Variants in SKI observed in about 807,000 individuals in gnomAD.
SKI encodes ski oncogene.
SKI carries 23 observed loss-of-function variants against 59.3 expected under a neutral mutation model. That is an observed-to-expected ratio of 0.39 (90% CI 0.28 to 0.55). SKI has a LOEUF of 0.55. Ranked by LOEUF, SKI falls within the 20% of genes least tolerant of loss-of-function variation. The pLI is 0.67. For synonymous variants in SKI, 673 were observed against 488.6 expected, an observed-to-expected ratio of 1.38 and a Z score of -4.98; for missense variants, 1,017 against 1,038.9, an observed-to-expected ratio of 0.98 and a Z score of 0.29.
chr1:2,257,131 C>A lies in SKI; in HGVS notation c.969+27396C>A, dbSNP rs189589450. Among the ~76,000 whole-genome samples the A allele has an allele frequency of 6.8e-3, 1,022 of 149,744 alleles. 11 individuals are homozygous for A. The highest frequency in any genetic ancestry group is 0.024 in the African/African-American group (986 of 41,372). On this transcript the variant is annotated intron_variant, in intron 1 of 6. Coordinates refer to ENST00000378536, the MANE Select transcript of SKI (RefSeq NM_003036.4). ...ATTTTCGTTTCTAAGATATCTATCT[C>A]TTTGTAAAAGCTCCCACCTTTTGTG...
chr1:2,287,400 G>C (rs1200833235), intron 1 of SKI, among the ~76,000 whole-genome samples: 1 of 150,060 alleles, frequency 6.7e-6, no homozygotes, highest in Non-Finnish European at 1.5e-5. Context: ...GCAGTGGCGC[G>C]ATCTCGGCTC....
intron 1 of SKI, among the ~76,000 whole-genome samples, chr1:2,283,458 C>T (rs1462606195): frequency 6.6e-6 from 1 of 152,214 alleles, no homozygotes; most frequent in Non-Finnish European, 1.5e-5. Context: ...TGTTGGCTTT[C>T]TAGGGAGGGC....
At chr1:2,248,460 A>C (rs1345988932) in intron 1 of SKI, among the ~76,000 whole-genome samples, 1 of 152,164 alleles carries the variant, frequency 6.6e-6, no homozygotes, top group Non-Finnish European at 1.5e-5. Flanking sequence ...GAGGGTCCTC[A>C]CTTTTTGTTT....
chr1:2,232,744 A>C (rs1314715251), intron 1 of SKI: 1 of 152,342 alleles, frequency 6.6e-6, no homozygotes, highest in Admixed American at 6.5e-5. Flanking sequence ...ACTCGGTCCC[A>C]CACTGGCTTT....
chr1:2,283,388 G>T (rs908825515), intron 1 of SKI, among the ~76,000 whole-genome samples: 1 of 152,208 alleles, frequency 6.6e-6, no homozygotes, highest in African/African-American at 2.4e-5. Flanking sequence ...GTATGTCTCT[G>T]TGAAAATGGG....
At chr1:2,254,416 C>G (rs1179289883) in intron 1 of SKI, among the ~76,000 whole-genome samples, 1 of 152,220 alleles carries the variant, frequency 6.6e-6, no homozygotes, top group Non-Finnish European at 1.5e-5. Flanking sequence ...CCAAACAGCC[C>G]TGAAATGGCA....
intron 1 of SKI, among the ~76,000 whole-genome samples, chr1:2,242,197 T>C (rs1638895328): frequency 6.6e-6 from 1 of 152,224 alleles, no homozygotes; most frequent in Admixed American, 6.5e-5. Flanking sequence ...GGTGAACCTC[T>C]GTAAATGTAT....
intron 1 of SKI, among the ~76,000 whole-genome samples, chr1:2,276,825 C>G (rs1343263191): frequency 6.6e-6 from 1 of 152,172 alleles, no homozygotes. Context: ...GTGCTCATAG[C>G]TCCGTTCCTG....
intron 1 of SKI, among the ~76,000 whole-genome samples, chr1:2,284,538 G>T (rs976530560): frequency 2.6e-5 from 4 of 152,228 alleles, no homozygotes; most frequent in African/African-American, 4.8e-5. Context: ...GAGGTGCCTG[G>T]GGGGGCAGGG....
chr1:2,287,039 C>T (rs1054952366), intron 1 of SKI, among the ~76,000 whole-genome samples: 4 of 152,312 alleles, frequency 2.6e-5, no homozygotes, highest in Middle Eastern at 3.4e-3. Flanking sequence ...GAGTGGAGGG[C>T]GTTTTCTTCC....
intron 1 of SKI, among the ~76,000 whole-genome samples, chr1:2,256,586 A>T (rs1285357357): frequency 6.6e-6 from 1 of 152,150 alleles, no homozygotes; most frequent in Non-Finnish European, 1.5e-5. Context: ...GCCACAGCAC[A>T]CTGTGCAGTT....
chr1:2,263,208 T>G (rs1328439515), intron 1 of SKI, among the ~76,000 whole-genome samples: 1 of 149,674 alleles, frequency 6.7e-6, no homozygotes, highest in Non-Finnish European at 1.5e-5. Flanking sequence ...GCCTCTTGAG[T>G]TTTATTTGCT....
At chr1:2,292,900 C>T (rs1317160583) in intron 1 of SKI, among the ~76,000 whole-genome samples, 9 of 152,146 alleles carry the variant, frequency 5.9e-5, no homozygotes, top group African/African-American at 1.4e-4. Context: ...AGCCAAAGGC[C>T]GTGTCTCAGT....
rs1569772134 is a variant in SKI at position 2,269,732 on chromosome 1, T to C, written c.970-33246T>C. Among the ~76,000 whole-genome samples the C allele has an allele frequency of 6.6e-6, 1 of 152,074 alleles. No homozygotes were observed. The highest frequency in any genetic ancestry group is 1.5e-5 in the Non-Finnish European group (1 of 68,038). The stretch of plus-strand genomic sequence containing the variant: ...CGTGGCTGTGCACCGGGCCCAGGGC[T>C]GGCAGGAGGCTGCTTCAGGGCTCTG... On this transcript the variant is annotated intron_variant, in intron 1 of 6. Coordinates refer to ENST00000378536, the MANE Select transcript of SKI (RefSeq NM_003036.4). This position sits in a 1 kb window ranked among gnomAD's most constrained non-coding sequence, Gnocchi z 4.7.
At chr1:2,233,429 C>G (rs958117853) in intron 1 of SKI, among the ~76,000 whole-genome samples, 5 of 152,158 alleles carry the variant, frequency 3.3e-5, no homozygotes, top group African/African-American at 1.2e-4. Context: ...GGTTGTGTTA[C>G]AGTGTTGTTG....
At chr1:2,279,433 T>C (rs1194582327) in intron 1 of SKI, among the ~76,000 whole-genome samples, 1 of 152,208 alleles carries the variant, frequency 6.6e-6, no homozygotes, top group African/African-American at 2.4e-5. Flanking sequence ...GGGCCTGGCT[T>C]CCCTCCCGGC....
chr1:2,242,560 T>C (rs1322594589), intron 1 of SKI, among the ~76,000 whole-genome samples: 4 of 152,200 alleles, frequency 2.6e-5, no homozygotes, highest in African/African-American at 9.7e-5. Flanking sequence ...CGCTCTGTCA[T>C]CTGTGTTGGA....
intron 1 of SKI, among the ~76,000 whole-genome samples, chr1:2,277,736 C>T (rs748382519): frequency 3.3e-5 from 5 of 150,186 alleles, no homozygotes; most frequent in Non-Finnish European, 5.9e-5. Flanking sequence ...GGTGCACACA[C>T]CTGCACTCAC....
At chr1:2,276,628 G>A (rs568054497) in intron 1 of SKI, among the ~76,000 whole-genome samples, 5 of 152,240 alleles carry the variant, frequency 3.3e-5, no homozygotes, top group African/African-American at 9.6e-5. Context: ...ACAGAAAATG[G>A]CAGGGCTCAC....
Sources: allele counts gnomAD v4.1 joint callset (sites outside exome capture counted in the v4.1 genomes callset), GRCh38; gene constraint gnomAD v4.1.1; non-coding constraint Gnocchi (gnomAD v3.1); transcripts MANE v1.5; gene names NCBI Gene and HGNC (gene_info 2026-07-23, HGNC 2026-07-21).